The following ROBO1 variants were observed in gnomAD, a reference collection of about 807,000 sequenced individuals.
The protein encoded by ROBO1 is roundabout homolog 1.
In ROBO1, 149 loss-of-function variants were observed where a neutral mutation model predicts 195.9. The observed-to-expected ratio is 0.76, with a 90% CI of 0.67 to 0.87. The LOEUF is 0.87. Among genes scored for constraint, ROBO1 ranks in the 40% least tolerant of loss-of-function variants. ROBO1 has a pLI of 0.00. For missense variants in ROBO1, 1,933 were observed against 2,068.3 expected (o/e 0.93, Z 1.27); for synonymous variants, 816 against 733.2 (o/e 1.11, Z -1.82).
intron 5 of ROBO1, among the ~76,000 whole-genome samples, chr3:78,719,765 T>A (rs1329429154): frequency 1.3e-5 from 2 of 152,162 alleles, no homozygotes; most frequent in Admixed American, 1.3e-4. Context: ...ACATCAGTGC[T>A]AGGTAATTTA....
At chr3:78,703,754 G>A (rs1559764197) in intron 8 of ROBO1, among the ~76,000 whole-genome samples, 1 of 151,532 alleles carries the variant, frequency 6.6e-6, no homozygotes, top group African/African-American at 2.4e-5. Flanking sequence ...GAATATGTGT[G>A]TATATACATA....
At chr3:79,097,120 A>G (rs1390066772) in intron 3 of ROBO1, among the ~76,000 whole-genome samples, 1 of 151,906 alleles carries the variant, frequency 6.6e-6, no homozygotes, top group Non-Finnish European at 1.5e-5. Context: ...AGCGAATACT[A>G]AAAGCATGGC....
intron 2 of ROBO1, among the ~76,000 whole-genome samples, chr3:79,382,773 A>T (rs1194388994): frequency 2.6e-5 from 4 of 152,152 alleles, no homozygotes; most frequent in African/African-American, 9.7e-5. Context: ...TCCTGAAAGT[A>T]ATCCCTTATT....
intron 2 of ROBO1, among the ~76,000 whole-genome samples, chr3:79,485,089 C>T (rs570952969): frequency 1.7e-4 from 26 of 152,156 alleles, no homozygotes; most frequent in Admixed American, 9.2e-4. Context: ...TGAAATCTTT[C>T]AGGGAGGAGA....
intron 1 of ROBO1, among the ~76,000 whole-genome samples, chr3:79,614,399 T>G (rs1944756311): frequency 6.6e-6 from 1 of 151,918 alleles, no homozygotes; most frequent in Admixed American, 6.6e-5. Context: ...AAAAGAAAAA[T>G]AAAATATGTT....
At chr3:78,789,462 C>T (rs1427506289) in intron 4 of ROBO1, among the ~76,000 whole-genome samples, 2 of 152,078 alleles carry the variant, frequency 1.3e-5, no homozygotes, top group Admixed American at 6.6e-5. Flanking sequence ...TAATGATTTG[C>T]GACTGACATT....
At chr3:79,690,040 A>G (rs1489374074) in intron 1 of ROBO1, among the ~76,000 whole-genome samples, 1 of 151,976 alleles carries the variant, frequency 6.6e-6, no homozygotes, top group African/African-American at 2.4e-5. Context: ...CAGTTAATCA[A>G]TAGTTTATTT....
chr3:79,355,217 C>T (rs1239141810), intron 2 of ROBO1, among the ~76,000 whole-genome samples: 1 of 151,728 alleles, frequency 6.6e-6, no homozygotes, highest in Non-Finnish European at 1.5e-5. Flanking sequence ...TGAATGAAAT[C>T]ATTGCTTTAT....
At chr3:78,809,485 A>G (rs972504081) in intron 4 of ROBO1, among the ~76,000 whole-genome samples, 2 of 152,232 alleles carry the variant, frequency 1.3e-5, no homozygotes, top group African/African-American at 2.4e-5. Context: ...CAATCCCATT[A>G]CTGGGTATAT....
intron 1 of ROBO1, among the ~76,000 whole-genome samples, chr3:79,620,991 G>T (rs1285174044): frequency 6.6e-6 from 1 of 151,980 alleles, no homozygotes; most frequent in Non-Finnish European, 1.5e-5. Context: ...ACCCCATGGT[G>T]CCAAACCCAT....
intron 1 of ROBO1, among the ~76,000 whole-genome samples, chr3:79,641,042 G>T (rs1298806194): frequency 6.6e-6 from 1 of 151,992 alleles, no homozygotes; most frequent in East Asian, 1.9e-4. Context: ...TGGTGGATTG[G>T]ATATAGGGAA....
chr3:79,343,350 C>T (rs752212666), intron 2 of ROBO1, among the ~76,000 whole-genome samples: 3 of 151,926 alleles, frequency 2.0e-5, no homozygotes, highest in Non-Finnish European at 2.9e-5. Context: ...GAGTAAATAC[C>T]GAGGAGTGTG....
At chr3:79,529,455 C>T (rs1420192277) in intron 2 of ROBO1, among the ~76,000 whole-genome samples, 2 of 151,980 alleles carry the variant, frequency 1.3e-5, no homozygotes, top group African/African-American at 2.4e-5. Context: ...CCAGCCTGGG[C>T]GACAGAGTGA....
At chr3:78,681,077 G>T (rs1020459817) in intron 10 of ROBO1, among the ~76,000 whole-genome samples, 3 of 151,704 alleles carry the variant, frequency 2.0e-5, no homozygotes, top group South Asian at 4.2e-4. Context: ...GTAAACTATC[G>T]CAAGGACAAA....
intron 2 of ROBO1, among the ~76,000 whole-genome samples, chr3:79,550,195 G>A (rs374439167): frequency 0.016 from 1,588 of 100,346 alleles, 60 homozygotes; most frequent in African/African-American, 0.038. Flanking sequence ...AAGAAAGAAA[G>A]GAAAAGAAAA....
At chr3:78,661,933 G>A in intron 15 of ROBO1, 60 bp downstream of exon 15, 4 of 1,545,978 alleles carry the variant, frequency 2.6e-6, no homozygotes, top group Non-Finnish European at 2.6e-6. Context: ...CATTTTATAT[G>A]CATTGCAATG....
chr3:78,915,364 C>G (rs1339678732), intron 4 of ROBO1, among the ~76,000 whole-genome samples: 2 of 152,092 alleles, frequency 1.3e-5, no homozygotes, highest in Admixed American at 6.6e-5. Context: ...CCGCTTCTGA[C>G]AAAAGTTTAA....
At chr3:79,208,772 G>A (rs115511908) in intron 2 of ROBO1, among the ~76,000 whole-genome samples, 555 of 151,700 alleles carry the variant, frequency 3.7e-3, no homozygotes, top group Non-Finnish European at 4.6e-3. Flanking sequence ...GGCATGGTGT[G>A]GGTTAGGGAG....
At position 79,719,956 on chromosome 3, in the gene ROBO1, C is replaced by T. The variant is rs185277676; in HGVS notation, c.-51+47796G>A. ...GATCCTTTTGGTAGTTGGGTAAAGA[C>T]TAGAGACTTTTCTCAGAATAAAGGT... On this transcript the variant is annotated intron_variant, in intron 1 of 30. Transcript: ENST00000464233. Among the ~76,000 whole-genome samples the T allele has an allele frequency of 4.7e-3, 710 of 152,180 alleles. 9 individuals are homozygous for T. The highest frequency in any genetic ancestry group is 0.015 in the African/African-American group (614 of 41,522).
Sources: gnomAD v4.1 joint callset for allele counts (sites outside exome capture counted in the v4.1 genomes callset) on GRCh38, gnomAD v4.1.1 for gene constraint, MANE v1.5 for transcripts, NCBI Gene and HGNC (gene_info 2026-07-23, HGNC 2026-07-21) for gene names.